The following CDK14 variants were observed in gnomAD, a reference collection of about 807,000 sequenced individuals.
CDK14 encodes cyclin-dependent kinase 14.
CDK14 carries 34 observed loss-of-function variants against 60.7 expected under a neutral mutation model. The observed-to-expected ratio is 0.56, with a 90% CI of 0.43 to 0.75. The LOEUF (loss-of-function observed/expected upper bound fraction) is 0.75, where lower values mean the gene tolerates loss of function less well. CDK14 is among the 30% of genes least tolerant of loss of function. CDK14 has a pLI of 0.00. For missense variants in CDK14, 482 were observed against 564.1 expected (o/e 0.85, Z 1.47); for synonymous variants, 197 against 203.7 (o/e 0.97, Z 0.28).
chr7:91,127,058 A>G (rs986156753), intron 14 of CDK14, among the ~76,000 whole-genome samples: 1 of 152,128 alleles, frequency 6.6e-6, no homozygotes, highest in South Asian at 2.1e-4. Context: ...CTCTCGGCTC[A>G]TTAGCAAGTT....
At chr7:90,708,014 T>C (rs376651516) in intron 2 of CDK14, among the ~76,000 whole-genome samples, 2 of 152,194 alleles carry the variant, frequency 1.3e-5, no homozygotes, top group African/African-American at 4.8e-5. Flanking sequence ...TGTTGGTTTT[T>C]ATACAAGATA....
At chr7:90,912,350 A>T (rs1792934691) in intron 7 of CDK14, among the ~76,000 whole-genome samples, 1 of 152,206 alleles carries the variant, frequency 6.6e-6, no homozygotes, top group Non-Finnish European at 1.5e-5. Context: ...TGAGGCTTTT[A>T]CAAACTTTGA....
At chr7:90,841,625 G>T (rs1346402980) in intron 5 of CDK14, among the ~76,000 whole-genome samples, 1 of 143,944 alleles carries the variant, frequency 6.9e-6, no homozygotes, top group Non-Finnish European at 1.5e-5. Flanking sequence ...TGAAGTTTCT[G>T]ATAATAATGA....
chr7:91,118,102 A>G lies in CDK14; in HGVS notation c.1332A>G (p.Gln444=), dbSNP rs756893934. The change falls in exon 14 of 15, where the codon CAA becomes CAG. Residue 444 remains glutamine, a synonymous_variant. Coordinates refer to ENST00000380050, the MANE Select transcript of CDK14 (RefSeq NM_001287135.2). ...TTACTGTCCCAAATGTGAGATTGCAACCAGAAGCTGGAGAAAGCATGCGGG... is the reference window on the plus strand; with the variant it reads ...TTACTGTCCCAAATGTGAGATTGCAGCCAGAAGCTGGAGAAAGCATGCGGG... ...SIFTVPNVRL[Q]PEAGESMRAF... is the part of the protein sequence containing the mutation. 4.3e-6 allele frequency: 7 copies of G among 1,613,450 alleles called. No individual in the cohort carries two copies. Among genetic ancestry groups the G allele is most frequent in the Admixed American group, 3.3e-5 (2 of 59,970 alleles).
intron 11 of CDK14, among the ~76,000 whole-genome samples, chr7:91,063,281 T>C (rs919220839): frequency 2.6e-5 from 4 of 152,134 alleles, no homozygotes; most frequent in African/African-American, 7.2e-5. Context: ...CTTATTCTAA[T>C]ATATAGGAGA....
intron 14 of CDK14, among the ~76,000 whole-genome samples, chr7:91,183,860 C>A (rs1802083014): frequency 6.6e-6 from 1 of 152,178 alleles, no homozygotes; most frequent in Non-Finnish European, 1.5e-5. Flanking sequence ...TTATTGAACA[C>A]CTGGCCTATG....
intron 9 of CDK14, among the ~76,000 whole-genome samples, chr7:90,968,073 T>A (rs1305816078): frequency 6.6e-6 from 1 of 152,198 alleles, no homozygotes; most frequent in Non-Finnish European, 1.5e-5. Flanking sequence ...TACCTGGAGG[T>A]TATTTTAATT....
At chr7:91,061,941 A>C (rs766758336) in intron 11 of CDK14, among the ~76,000 whole-genome samples, 1 of 152,176 alleles carries the variant, frequency 6.6e-6, no homozygotes, top group Non-Finnish European at 1.5e-5. Flanking sequence ...AGACAAGGAC[A>C]TTTAAGTCTG....
chr7:90,635,553 G>A (rs916756615), intron 2 of CDK14, among the ~76,000 whole-genome samples: 15 of 152,208 alleles, frequency 9.9e-5, no homozygotes, highest in African/African-American at 3.6e-4. Context: ...AGTATAGTTT[G>A]AAGTCAGGTA....
chr7:90,883,849 C>G (rs1454197945), intron 6 of CDK14, among the ~76,000 whole-genome samples: 1 of 152,164 alleles, frequency 6.6e-6, no homozygotes, highest in African/African-American at 2.4e-5. Context: ...AAATGATTAT[C>G]TCAATAGATG....
chr7:91,190,906 A>T (rs1305464976), intron 14 of CDK14, among the ~76,000 whole-genome samples: 1 of 152,146 alleles, frequency 6.6e-6, no homozygotes, highest in Non-Finnish European at 1.5e-5. Context: ...CATAGCTTGA[A>T]AACTTCAGTA....
At chr7:90,853,985 A>G (rs1322459278) in intron 5 of CDK14, among the ~76,000 whole-genome samples, 2 of 152,210 alleles carry the variant, frequency 1.3e-5, no homozygotes, top group African/African-American at 4.8e-5. Context: ...AATATGCTGC[A>G]GAACTACCTT....
chr7:90,779,050 G>A (rs1366230546), intron 4 of CDK14, among the ~76,000 whole-genome samples: 2 of 151,792 alleles, frequency 1.3e-5, no homozygotes, highest in African/African-American at 2.4e-5. Flanking sequence ...TCAGGTGTTC[G>A]AGACCAGCCT....
intron 12 of CDK14, among the ~76,000 whole-genome samples, chr7:91,103,235 A>G (rs1256124018): frequency 6.6e-6 from 1 of 152,118 alleles, no homozygotes; most frequent in East Asian, 1.9e-4. Flanking sequence ...CCTGGGCAGC[A>G]GAGCAATACT....
intron 10 of CDK14, among the ~76,000 whole-genome samples, chr7:91,033,102 T>C (rs1302095511): frequency 6.6e-6 from 1 of 152,198 alleles, no homozygotes; most frequent in Non-Finnish European, 1.5e-5. Flanking sequence ...GCCTCAAGTT[T>C]GCAGCTGAAG....
chr7:90,649,508 C>T (rs995827411), intron 2 of CDK14, among the ~76,000 whole-genome samples: 1 of 148,732 alleles, frequency 6.7e-6, no homozygotes, highest in African/African-American at 2.5e-5. Context: ...GTGTGCACAA[C>T]ATGCAGGTTT....
chr7:90,832,421 C>T (rs2117115486), intron 5 of CDK14, among the ~76,000 whole-genome samples: 1 of 152,248 alleles, frequency 6.6e-6, no homozygotes, highest in Non-Finnish European at 1.5e-5. Flanking sequence ...TTATTGGACC[C>T]ATAGCTGATT....
At chr7:90,639,520 A>G (rs1185010232) in intron 2 of CDK14, among the ~76,000 whole-genome samples, 1 of 151,784 alleles carries the variant, frequency 6.6e-6, no homozygotes, top group Non-Finnish European at 1.5e-5. Flanking sequence ...TGGCCGTGTG[A>G]GGTGTCAGTC....
chr7:90,862,776 A>G (rs1373904020), intron 5 of CDK14, among the ~76,000 whole-genome samples: 1 of 152,226 alleles, frequency 6.6e-6, no homozygotes, highest in Non-Finnish European at 1.5e-5. Flanking sequence ...ATACAAATTT[A>G]AAGAATTGGA....
Sources: gnomAD v4.1 joint callset for allele counts (sites outside exome capture counted in the v4.1 genomes callset) on GRCh38, gnomAD v4.1.1 for gene constraint, MANE v1.5 for transcripts, NCBI Gene and HGNC (gene_info 2026-07-23, HGNC 2026-07-21) for gene names.